Variants in CNTN5 observed in about 807,000 individuals in gnomAD.
CNTN5 encodes the protein contactin-5.
In CNTN5, 77 loss-of-function variants were observed where a neutral mutation model predicts 129.1. The observed-to-expected ratio is 0.60, with a 90% CI of 0.50 to 0.72. The LOEUF (loss-of-function observed/expected upper bound fraction) is 0.72. Among genes scored for constraint, CNTN5 ranks in the 30% least tolerant of loss-of-function variants. The probability of loss-of-function intolerance (pLI) is 0.00; values close to 1 mark genes in which losing one functional copy is unlikely to be tolerated. For missense variants in CNTN5, 1,478 were observed against 1,328.8 expected (o/e 1.11, Z -1.75); for synonymous variants, 509 against 465.6 (o/e 1.09, Z -1.20).
At chr11:99,971,063 T>A (rs1372973227) in intron 8 of CNTN5, among the ~76,000 whole-genome samples, 1 of 152,238 alleles carries the variant, frequency 6.6e-6, no homozygotes, top group Non-Finnish European at 1.5e-5. Context: ...GTTTAGATTT[T>A]ATTCTAAAAG....
Position 100,083,132 on chromosome 11 carries a change from A to T in CNTN5, c.1580+8838A>T, listed in dbSNP as rs924761414. Among the ~76,000 whole-genome samples the T allele has an allele frequency of 1.8e-4, 28 of 152,038 alleles. 1 individual carries two copies. The highest frequency in any genetic ancestry group is 6.5e-4 in the African/African-American group (27 of 41,402). On this transcript the variant is annotated intron_variant, in intron 13 of 24. Transcript: ENST00000524871. ...GGAGTTCGAGACCAGCCTGGATAAC[A>T]TGGTGAAACACTGTTTCTACTAAAA...
intron 6 of CNTN5, among the ~76,000 whole-genome samples, chr11:99,847,189 C>T (rs948315078): frequency 3.9e-5 from 6 of 152,140 alleles, no homozygotes; most frequent in East Asian, 1.9e-4. Context: ...TTTGTGGAAG[C>T]AAATCATGCC....
intron 4 of CNTN5, among the ~76,000 whole-genome samples, chr11:99,842,816 T>A (rs1185436877): frequency 6.6e-6 from 1 of 152,238 alleles, no homozygotes; most frequent in Non-Finnish European, 1.5e-5. Flanking sequence ...TCTAGTTATT[T>A]ATTAAATCAT....
chr11:99,141,250 C>T (rs572118770), intron 1 of CNTN5, among the ~76,000 whole-genome samples: 2 of 151,700 alleles, frequency 1.3e-5, no homozygotes, highest in South Asian at 2.1e-4. Context: ...AGGAATTTAC[C>T]CATTTCTTCT....
intron 3 of CNTN5, among the ~76,000 whole-genome samples, chr11:99,792,577 C>G (rs2266157): frequency 0.012 from 719 of 60,654 alleles, 5 homozygotes; most frequent in African/African-American, 0.044. Flanking sequence ...GTGTGTGTGT[C>G]TGTCTGTCTG....
chr11:99,923,757 G>GTCTATCTATCTA (rs11271049), intron 7 of CNTN5, among the ~76,000 whole-genome samples: 5,525 of 140,630 alleles, frequency 0.039, 166 homozygotes, highest in East Asian at 0.064. Flanking sequence ...CTATCTGTCT[G>GTCTATCTATCTA]TCTATCTATC....
chr11:100,093,003 C>T (rs1487470035), intron 13 of CNTN5, among the ~76,000 whole-genome samples: 1 of 152,108 alleles, frequency 6.6e-6, no homozygotes, highest in Non-Finnish European at 1.5e-5. Flanking sequence ...CCTCTTGCCT[C>T]ATTTCATGGG....
chr11:100,031,589 C>T (rs1941708725), intron 9 of CNTN5, among the ~76,000 whole-genome samples: 1 of 152,142 alleles, frequency 6.6e-6, no homozygotes, highest in Admixed American at 6.5e-5. Flanking sequence ...CTGGTCTAAC[C>T]AGTTGTCTAG....
At chr11:99,365,028 A>G (rs1939358467) in intron 2 of CNTN5, among the ~76,000 whole-genome samples, 1 of 152,148 alleles carries the variant, frequency 6.6e-6, no homozygotes, top group African/African-American at 2.4e-5. Context: ...CAATGGAATA[A>G]AAAACCTAAT....
intron 1 of CNTN5, among the ~76,000 whole-genome samples, chr11:99,189,943 G>C (rs1858549806): frequency 6.6e-6 from 1 of 151,310 alleles, no homozygotes; most frequent in South Asian, 2.1e-4. Context: ...TACTTTTGTT[G>C]TCTCTGCTTT....
intron 3 of CNTN5, among the ~76,000 whole-genome samples, chr11:99,811,695 T>C (rs1307740424): frequency 1.3e-5 from 2 of 151,892 alleles, no homozygotes; most frequent in Non-Finnish European, 2.9e-5. Context: ...TTAGGAAATA[T>C]TTAATGAAGG....
At chr11:99,797,326 A>G (rs1351359750) in intron 3 of CNTN5, among the ~76,000 whole-genome samples, 1 of 152,146 alleles carries the variant, frequency 6.6e-6, no homozygotes, top group Non-Finnish European at 1.5e-5. Context: ...AGAAATCTCC[A>G]AACTGTTTTT....
At chr11:99,437,092 T>A (rs1943628544) in intron 2 of CNTN5, among the ~76,000 whole-genome samples, 1 of 152,168 alleles carries the variant, frequency 6.6e-6, no homozygotes, top group African/African-American at 2.4e-5. Context: ...GATTTCCACC[T>A]CCAAAGGTTT....
At chr11:100,078,666 C>A (rs947991871) in intron 13 of CNTN5, among the ~76,000 whole-genome samples, 1 of 151,996 alleles carries the variant, frequency 6.6e-6, no homozygotes, top group Admixed American at 6.6e-5. Flanking sequence ...TATTATCTTA[C>A]TAAATTAAAA....
chr11:99,963,951 T>C lies in CNTN5; in HGVS notation c.877+6942T>C, dbSNP rs866399383. Among the ~76,000 whole-genome samples, 51 of 152,268 alleles carry C rather than the reference T, an allele frequency of 3.3e-4. 1 individual carries two copies. Among genetic ancestry groups the C allele is most frequent in the Middle Eastern group, 3.4e-3 (1 of 294 alleles). On this transcript the variant is annotated intron_variant, in intron 8 of 24. Coordinates refer to ENST00000524871, the MANE Select transcript of CNTN5 (RefSeq NM_014361.4). Reference sequence around the variant, plus strand: ...AATGGGAGTTCACTCATGATTTGGCTCTCTGTTTGTCTGTTATTGGTGTAT... The same window carrying C: ...AATGGGAGTTCACTCATGATTTGGCCCTCTGTTTGTCTGTTATTGGTGTAT...
rs372410820 is a variant in CNTN5, at chr11:99,920,511, T to C, written c.673+4362T>C. 2.3e-4 allele frequency among the ~76,000 whole-genome samples: 35 copies of C among 152,306 alleles called. 1 individual carries two copies. The East Asian group carries it at 3.3e-3, about 14-fold the overall frequency. ...TTAACCATGTCTAAATCTGAACTCC[T>C]GGTTATTTCTTCCCCAAACCTTCTC... On this transcript the variant is annotated intron_variant, in intron 7 of 24. Coordinates refer to ENST00000524871, the MANE Select transcript of CNTN5 (RefSeq NM_014361.4).
intron 2 of CNTN5, among the ~76,000 whole-genome samples, chr11:99,327,228 T>C (rs948442162): frequency 6.6e-6 from 1 of 152,178 alleles, no homozygotes; most frequent in Admixed American, 6.5e-5. Context: ...TAAGAGGGTT[T>C]CAGATCTAAT....
chr11:99,969,814 T>C (rs17134791), intron 8 of CNTN5, among the ~76,000 whole-genome samples: 10,630 of 152,242 alleles, frequency 0.07, 768 homozygotes, highest in East Asian at 0.31. Context: ...GTGTGTCTTA[T>C]TTGCACTTGG....
chr11:100,129,049 G>A (rs896158563), intron 13 of CNTN5, among the ~76,000 whole-genome samples: 14 of 152,162 alleles, frequency 9.2e-5, no homozygotes, highest in Middle Eastern at 6.8e-3. Context: ...GAGAATATGA[G>A]GCCAGAATAT....
Sources: gnomAD v4.1 joint callset for allele counts (sites outside exome capture counted in the v4.1 genomes callset) on GRCh38, gnomAD v4.1.1 for gene constraint, MANE v1.5 for transcripts, NCBI Gene and HGNC (gene_info 2026-07-23, HGNC 2026-07-21) for gene names.